The following ABCA1 variants were observed in gnomAD, a reference collection of about 807,000 sequenced individuals.
The protein encoded by ABCA1 is phospholipid-transporting ATPase ABCA1.
In ABCA1, 133 loss-of-function variants were observed where a neutral mutation model predicts 262.5. The ratio of observed to expected loss-of-function variants is 0.51; its 90% CI spans 0.44 to 0.59. The LOEUF is 0.59. Among genes scored for constraint, ABCA1 ranks in the 20% least tolerant of loss-of-function variants. The pLI is 0.00. For synonymous variants in ABCA1, 1,022 were observed against 1,043.5 expected (o/e 0.98, Z 0.40); for missense variants, 2,452 against 2,777.5 (o/e 0.88, Z 2.63).
chr9:104,837,492 G>A lies in ABCA1; in HGVS notation c.1130C>T (p.Pro377Leu), dbSNP rs781460718. Residue 377 changes from proline (P) to leucine (L), a missense_variant, in exon 10 of 50, where the codon CCG (proline) becomes CTG (leucine). Transcript: ENST00000374736. The part of the protein sequence containing the change: ...LSRIIWKALK[P>L]LLVGKILYTP... ...ATACAGGATCTTCCCAACGAGCAGC[G>A]GCTTCAGAGCTTTCCAGATAATGCG... The A allele has an allele frequency of 3.7e-6, 6 of 1,614,118 alleles. No individual in the cohort carries two copies. Among genetic ancestry groups the A allele is most frequent in the East Asian group, 2.2e-5 (1 of 44,880 alleles).
At position 104,798,406 on chromosome 9, in the gene ABCA1, G is replaced by A; in HGVS notation, c.5121+15C>T. On this transcript the variant is annotated intron_variant, in intron 37 of 49. Coordinates refer to ENST00000374736, the MANE Select transcript of ABCA1 (RefSeq NM_005502.4). ...TGACAGACATCAGAAAGATACAGCA[G>A]GCCTGTGTCCTTACCATATCCCAGA... The A allele has an allele frequency of 6.2e-7, 1 of 1,613,794 alleles. No homozygotes were observed. Among genetic ancestry groups the A allele is most frequent in the Non-Finnish European group, 8.5e-7 (1 of 1,179,694 alleles).
chr9:104,801,508 C>A (rs1396761549), intron 34 of ABCA1, among the ~76,000 whole-genome samples: 1 of 151,674 alleles, frequency 6.6e-6, no homozygotes, highest in Non-Finnish European at 1.5e-5. Context: ...GTGTAAGCCA[C>A]CGCGCCCAGC....
intron 7 of ABCA1, among the ~76,000 whole-genome samples, chr9:104,849,249 C>T (rs1370796367): frequency 6.6e-6 from 1 of 152,206 alleles, no homozygotes; most frequent in Non-Finnish European, 1.5e-5. Flanking sequence ...TGTAATTGAG[C>T]ATGGATGTAA....
At chr9:104,853,621 A>AT (rs1835572874) in intron 7 of ABCA1, among the ~76,000 whole-genome samples, 2 of 151,958 alleles carry the variant, frequency 1.3e-5, no homozygotes, top group Admixed American at 1.3e-4. Flanking sequence ...GACATACAAT[A>AT]AACACTTGAT....
At position 104,804,644 on chromosome 9, in the gene ABCA1, A is replaced by G; in HGVS notation, c.4541T>C (p.Val1514Ala). 6.2e-7 allele frequency: 1 copy of G among 1,614,220 alleles called. No homozygotes were observed. The highest frequency in any genetic ancestry group is 2.2e-5 in the East Asian group (1 of 44,884). Residue 1514 changes from valine to alanine, a missense_variant, in exon 32 of 50, where the codon GTG (valine) becomes GCG (alanine). Physicochemically the swap from Val to Ala is moderately conservative, Grantham distance 64. This residue lies in a region of ABCA1 where 752 missense variants were observed against 944.5 expected (regional missense o/e 0.80). Transcript: ENST00000374736. ...NISDYLVKTYVQIIAKSLKNK... is the reference protein window; with the variant it reads ...NISDYLVKTYAQIIAKSLKNK... ...AAGTCACCTTTTGGCTATGATCTGC[A>G]CATACGTCTTCACCAGATAATCCGA...
chr9:104,829,247 ACAGAAG>A, intron 14 of ABCA1, 109 bp from the exon 15 acceptor site: 3 of 991,378 alleles, frequency 3.0e-6, no homozygotes, highest in Non-Finnish European at 4.7e-6. Context: ...CATCTGGGCC[ACAGAAG>A]GACAGGCCCT....
Position 104,838,829 on chromosome 9 carries a change from G to A in ABCA1, c.1055-1262C>T, listed in dbSNP as rs1008793928. Among the ~76,000 whole-genome samples, 14 of 149,322 alleles carry A rather than the reference G, an allele frequency of 9.4e-5. No homozygotes were observed. The South Asian group carries it at 1.3e-3, about 13-fold the overall frequency. On this transcript the variant is annotated intron_variant, in intron 9 of 49. Transcript: ENST00000374736. ...ATAATAGAATTTTTTTTTTTTTAAT[G>A]AGGATGCCCTCACAATTAAGTCTGT...
intron 19 of ABCA1, among the ~76,000 whole-genome samples, chr9:104,822,127 G>A (rs1346995478): frequency 6.6e-6 from 1 of 152,138 alleles, no homozygotes; most frequent in Non-Finnish European, 1.5e-5. Flanking sequence ...CAGCTGCCCA[G>A]CTTGATTGCG....
At chr9:104,846,340 A>G (rs1383778819) in intron 7 of ABCA1, among the ~76,000 whole-genome samples, 1 of 152,226 alleles carries the variant, frequency 6.6e-6, no homozygotes, top group East Asian at 1.9e-4. Flanking sequence ...CAGTTTCTTC[A>G]CTGTTATTTG....
intron 2 of ABCA1, among the ~76,000 whole-genome samples, chr9:104,896,590 G>T (rs1840220315): frequency 6.6e-6 from 1 of 151,734 alleles, no homozygotes; most frequent in African/African-American, 2.4e-5. Context: ...GGGACAATGA[G>T]CTCCCCCATA....
At position 104,784,382 on chromosome 9, in the gene ABCA1, G is replaced by T; in HGVS notation, c.6719C>A (p.Thr2240Lys). ...LKDLSLHKNQTVVDVAVLTSF... is the reference protein window; with the variant it reads ...LKDLSLHKNQKVVDVAVLTSF... Reference sequence around the variant, plus strand: ...TGTGAGAACTGCAACGTCCACTACTGTCTGGTTTTTGTGTAATGAGAGGTC... The same window carrying T: ...TGTGAGAACTGCAACGTCCACTACTTTCTGGTTTTTGTGTAATGAGAGGTC... Residue 2240 changes from threonine (T) to lysine (K), a missense_variant, in exon 50 of 50, where the codon ACA (threonine) becomes AAA (lysine). By Grantham distance (78) the Thr-to-Lys change is moderately conservative (BLOSUM62 -1). Around this residue, in one of 4 missense-constraint regions of ABCA1, gnomAD observed 752 missense variants for 944.5 expected, o/e 0.80. Coordinates refer to ENST00000374736, the MANE Select transcript of ABCA1 (RefSeq NM_005502.4). 6.2e-7 allele frequency: 1 copy of T among 1,614,078 alleles called. No homozygotes were observed. Among genetic ancestry groups the T allele is most frequent in the Non-Finnish European group, 8.5e-7 (1 of 1,179,988 alleles).
Position 104,796,038 on chromosome 9 carries a change from C to G in ABCA1, c.5382+15G>C. 1 of 1,612,298 alleles carries G rather than the reference C, an allele frequency of 6.2e-7. No homozygotes were observed. The highest frequency in any genetic ancestry group is 1.1e-5 in the South Asian group (1 of 91,004). On this transcript the variant is annotated intron_variant, in intron 39 of 49. Coordinates refer to ENST00000374736, the MANE Select transcript of ABCA1 (RefSeq NM_005502.4). ...ATGCTCATCCCAGCAGGAGTGTTCT[C>G]TCTGCATGACTCACATTGTCGGTGA... is the stretch of plus-strand genomic sequence containing the variant.
intron 46 of ABCA1, among the ~76,000 whole-genome samples, chr9:104,787,434 G>A (rs1233879733): frequency 6.6e-6 from 1 of 151,750 alleles, no homozygotes; most frequent in African/African-American, 2.4e-5. Flanking sequence ...AGACCGAGGT[G>A]GAATACATAA....
chr9:104,871,761 C>CA (rs1448185485), intron 5 of ABCA1, among the ~76,000 whole-genome samples: 9 of 151,928 alleles, frequency 5.9e-5, no homozygotes, highest in Admixed American at 3.9e-4. Context: ...TATGAAGAAA[C>CA]AGAGTCCAGA....
At chr9:104,802,294 A>T in intron 33 of ABCA1, 135 bp from the exon 34 acceptor site, 1 of 641,122 alleles carries the variant, frequency 1.6e-6, no homozygotes, top group Non-Finnish European at 2.8e-6. Context: ...TGCCTCAGAG[A>T]AGTTACACGT....
intron 19 of ABCA1, 143 bp downstream of exon 19, chr9:104,822,353 G>A (rs1832439062): frequency 1.8e-6 from 2 of 1,111,534 alleles, no homozygotes; most frequent in Non-Finnish European, 2.7e-6. Context: ...CTCATGATTA[G>A]ATAACATGTT....
At chr9:104,802,198 G>GT (rs1564098320) in intron 33 of ABCA1, 39 bp from the exon 34 acceptor site, 1 of 1,551,362 alleles carries the variant, frequency 6.4e-7, no homozygotes, top group South Asian at 1.1e-5. Flanking sequence ...AGACAGTGGG[G>GT]TGCACAGTAT....
In ABCA1 at chr9:104,820,134, G is replaced by A. The variant is rs1053393761; in HGVS notation, c.2961-65C>T. 10 of 1,599,498 alleles carry A rather than the reference G, an allele frequency of 6.3e-6. No homozygotes were observed. The African/African-American group carries it at 6.7e-5, about 11-fold the overall frequency. On this transcript the variant is annotated intron_variant, in intron 20 of 49. Transcript: ENST00000374736. Reference sequence around the variant, plus strand: ...ATACCCCAGAATACAGTGTCCCCTGGCCCAGAACAGATGAGAATGGGCATA... The same window carrying A: ...ATACCCCAGAATACAGTGTCCCCTGACCCAGAACAGATGAGAATGGGCATA...
intron 5 of ABCA1, among the ~76,000 whole-genome samples, chr9:104,862,061 C>CACACACACACACACAT (rs1302798656): frequency 6.7e-6 from 1 of 149,406 alleles, no homozygotes; most frequent in Admixed American, 6.7e-5. Flanking sequence ...CACACACACA[C>CACACACACACACACAT]ACACACACAC....
Sources: gnomAD v4.1 joint callset for allele counts (sites outside exome capture counted in the v4.1 genomes callset) on GRCh38, gnomAD v4.1.1 for gene constraint, gnomAD v4.1.1 regional missense constraint, MANE v1.5 for transcripts, NCBI Gene and HGNC (gene_info 2026-07-23, HGNC 2026-07-21) for gene names.